PODN: variants seen among roughly 807,000 people sequenced by gnomAD.
PODN encodes the protein podocan proteoglycan.
In PODN, 40 loss-of-function variants were observed where a neutral mutation model predicts 52.7. The observed-to-expected ratio is 0.76, with a 90% CI of 0.59 to 0.99. PODN has a LOEUF of 0.99. Ranked by LOEUF, PODN falls within the 50% of genes least tolerant of loss-of-function variation. The probability of loss-of-function intolerance (pLI) is 0.00; values close to 1 mark genes in which losing one functional copy is unlikely to be tolerated. For synonymous variants in PODN, 396 were observed against 377.9 expected (o/e 1.05, Z -0.56); for missense variants, 720 against 815.1 (o/e 0.88, Z 1.42).
intron 10 of PODN, among the ~76,000 whole-genome samples, chr1:53,083,406 G>C (rs941490816): frequency 6.6e-6 from 1 of 152,142 alleles, no homozygotes; most frequent in Admixed American, 6.5e-5. Context: ...CTGGCCTGGA[G>C]GGGGAGTCAC....
Position 53,077,682 on chromosome 1 carries a change from C to G in PODN, c.739-3C>G. On this transcript the variant is annotated splice_region_variant and splice_polypyrimidine_tract_variant and intron_variant, in intron 6 of 10. Transcript: ENST00000312553. ...ATCTCCTCCCTTCCCTTCCATCCCCCAGAACAACAAGCTGGAGAAGATCCC... is the reference window on the plus strand; with the variant it reads ...ATCTCCTCCCTTCCCTTCCATCCCCGAGAACAACAAGCTGGAGAAGATCCC... The G allele has an allele frequency of 1.9e-6, 3 of 1,611,884 alleles. No individual in the cohort carries two copies. The highest frequency in any genetic ancestry group is 1.7e-6 in the Non-Finnish European group (2 of 1,178,998).
At position 53,078,867 on chromosome 1, in the gene PODN, G is replaced by T; in HGVS notation, c.1357G>T (p.Val453Phe). Residue 453 changes from valine (V) to phenylalanine (F), a missense_variant, in exon 8 of 11, where the codon GTC becomes TTC. Coordinates refer to ENST00000312553, the MANE Select transcript of PODN (RefSeq NM_153703.5). ...GCTGCCACCTGGGCTGCCTCGAAAT[G>T]TCCATGTGCTGAAGGTCAAGCGCAA... ...HTLPPGLPRN[V>F]HVLKVKRNEL... 6.2e-7 allele frequency: 1 copy of T among 1,612,650 alleles called. No individual in the cohort carries two copies. The highest frequency in any genetic ancestry group is 8.5e-7 in the Non-Finnish European group (1 of 1,179,642).
intron 3 of PODN, among the ~76,000 whole-genome samples, chr1:53,072,652 C>T (rs966450644): frequency 1.3e-5 from 2 of 152,218 alleles, no homozygotes; most frequent in Admixed American, 1.3e-4. Context: ...GGTCTGCCTG[C>T]CTCCTTGACA....
intron 1 of PODN, chr1:53,066,738 T>A: frequency 7.1e-7 from 1 of 1,400,460 alleles, no homozygotes; most frequent in Admixed American, 2.1e-5. Context: ...CTCCCTGAGT[T>A]GTAAAGTGGT....
chr1:53,083,334 A>G (rs1644320972), intron 10 of PODN, among the ~76,000 whole-genome samples: 1 of 152,176 alleles, frequency 6.6e-6, no homozygotes, highest in Admixed American at 6.5e-5. Context: ...CGACACACAC[A>G]TGCATCTTCC....
rs373582762 is a variant in PODN, at chr1:53,070,105, G to A, written c.250G>A (p.Gly84Ser). ...CCAGGAGGGCGTCGTGGACTGTGGC[G>A]GTATTGACCTGCGTGAGTTCCCGGG... ...CSQEGVVDCG[G>S]IDLREFPGDL... Residue 84 changes from glycine to serine, a missense_variant, in exon 2 of 11, where the codon GGT becomes AGT. Gly to Ser is a moderately conservative substitution (Grantham distance 56). Coordinates refer to ENST00000312553, the MANE Select transcript of PODN (RefSeq NM_153703.5). 3.6e-5 allele frequency: 58 copies of A among 1,612,514 alleles called. No individual in the cohort carries two copies. Among genetic ancestry groups the A allele is most frequent in the Middle Eastern group, 1.6e-4 (1 of 6,082 alleles).
chr1:53,064,487 C>T (rs1454564870), intron 1 of PODN, among the ~76,000 whole-genome samples: 1 of 152,220 alleles, frequency 6.6e-6, no homozygotes, highest in Non-Finnish European at 1.5e-5. Context: ...CTGTTTGGGG[C>T]CCAGCACAGA....
Position 53,069,788 on chromosome 1 carries a change from C to T in PODN, c.-55-13C>T. ...CTTTCGAGGGCCCCAGCTGTGTCCA[C>T]TGTACCTCACAGGTTCCGTCAGCCC... On this transcript the variant is annotated splice_polypyrimidine_tract_variant and intron_variant, in intron 1 of 10. Coordinates refer to ENST00000312553, the MANE Select transcript of PODN (RefSeq NM_153703.5). 1 of 1,570,224 alleles carries T rather than the reference C, an allele frequency of 6.4e-7. No homozygotes were observed. The highest frequency in any genetic ancestry group is 8.6e-7 in the Non-Finnish European group (1 of 1,159,544).
chr1:53,063,716 T>C (rs1572253117), intron 1 of PODN, among the ~76,000 whole-genome samples: 2 of 152,190 alleles, frequency 1.3e-5, no homozygotes, highest in East Asian at 3.9e-4. Flanking sequence ...ACGACTGTTT[T>C]CATGTCATCT....
At chr1:53,073,546 AGGATCTTC>A (rs1644150315) in intron 3 of PODN, 1 of 152,242 alleles carries the variant, frequency 6.6e-6, no homozygotes, top group African/African-American at 2.4e-5. Flanking sequence ...ACCTTGTCAC[AGGATCTTC>A]GGTTCCGAGG....
intron 5 of PODN, among the ~76,000 whole-genome samples, chr1:53,076,390 T>G (rs1311237738): frequency 2.0e-5 from 3 of 152,118 alleles, no homozygotes; most frequent in African/African-American, 4.8e-5. Flanking sequence ...TGCCCTTCCA[T>G]CCCTGCGTCT....
In PODN at chr1:53,077,643, G is replaced by C. The variant is rs763567185; in HGVS notation, c.739-42G>C. ...ATCCCGAGGCCCTGACCTTGCCCTC[G>C]GCCCTCCCTCACAATCTCCTCCCTT... On this transcript the variant is annotated intron_variant, in intron 6 of 10. Coordinates refer to ENST00000312553, the MANE Select transcript of PODN (RefSeq NM_153703.5). The C allele has an allele frequency of 9.0e-6, 14 of 1,559,966 alleles. No individual in the cohort carries two copies. The Middle Eastern group carries it at 6.8e-4, about 76-fold the overall frequency.
intron 9 of PODN, among the ~76,000 whole-genome samples, 179 bp from the exon 10 acceptor site, chr1:53,081,802 G>C (rs1644299313): frequency 6.6e-6 from 1 of 152,198 alleles, no homozygotes; most frequent in African/African-American, 2.4e-5. Flanking sequence ...CAGCTGCCCT[G>C]ACCGGCCTGT....
chr1:53,068,612 G>A (rs1318262462), intron 1 of PODN, among the ~76,000 whole-genome samples: 1 of 152,218 alleles, frequency 6.6e-6, no homozygotes, highest in Non-Finnish European at 1.5e-5. Context: ...GTGTTTAGAT[G>A]TATTATCTGC....
rs1270421965 is a variant in PODN at position 53,078,533 on chromosome 1, C to T, written c.1023C>T (p.His341=). ...PIRSLEYLLL[H]SNQLREQGIH... ...GCAGCCTGGAGTACCTGCTGCTGCA[C>T]AGCAACCAGCTGCGGGAGCAGGGCA... Residue 341 remains histidine (H), a synonymous_variant, in exon 8 of 11, where the codon CAC becomes CAT. Coordinates refer to ENST00000312553, the MANE Select transcript of PODN (RefSeq NM_153703.5). 6.2e-7 allele frequency: 1 copy of T among 1,613,230 alleles called. No individual in the cohort carries two copies. Among genetic ancestry groups the T allele is most frequent in the Admixed American group, 1.7e-5 (1 of 60,030 alleles).
Position 53,063,611 on chromosome 1 carries a change from C to T in PODN, c.-56+1303C>T, listed in dbSNP as rs1003194219. The T allele has an allele frequency of 8.1e-6, 8 of 982,060 alleles. No homozygotes were observed. In the South Asian group the frequency reaches 1.4e-4, roughly 17 times the overall value. 60.8% of individuals were successfully genotyped at this position (982,060 alleles called of 1,614,324 possible). A position where few individuals can be genotyped will look rare whatever the true frequency, so the allele number is the denominator to read the frequency against. ...CTGCCCTGGGAAAGACCAGGGGGGACTGCTCTGGGGGTTCTGCTCCCTCAT... is the reference window on the plus strand; with the variant it reads ...CTGCCCTGGGAAAGACCAGGGGGGATTGCTCTGGGGGTTCTGCTCCCTCAT... On this transcript the variant is annotated intron_variant, in intron 1 of 10. Coordinates refer to ENST00000312553, the MANE Select transcript of PODN (RefSeq NM_153703.5).
At chr1:53,063,603 A>G in intron 1 of PODN, 1 of 984,284 alleles carries the variant, frequency 1.0e-6, no homozygotes, top group Non-Finnish European at 1.2e-6. Context: ...GGGAAAGACC[A>G]GGGGGGACTG....
Position 53,077,763 on chromosome 1 carries a change from T to C in PODN, c.817T>C (p.Tyr273His). The C allele has an allele frequency of 6.2e-7, 1 of 1,613,558 alleles. No homozygotes were observed. ...GCGCGAGCTATACCTGCAGAACAAC[T>C]ACCTGACTGACGAGGGCCTGGACAA... Reference protein sequence around the residue: ...SLRELYLQNNYLTDEGLDNET... With the variant: ...SLRELYLQNNHLTDEGLDNET... Residue 273 changes from tyrosine (Y) to histidine (H), a missense_variant, in exon 7 of 11, where the codon TAC (tyrosine) becomes CAC (histidine). Transcript: ENST00000312553.
intron 8 of PODN, among the ~76,000 whole-genome samples, chr1:53,080,119 C>T (rs1644260978): frequency 6.6e-6 from 1 of 152,212 alleles, no homozygotes. Context: ...ACTTTCCTGA[C>T]TGCCCTCCCC....
Sources: allele counts gnomAD v4.1 joint callset (sites outside exome capture counted in the v4.1 genomes callset), GRCh38; gene constraint gnomAD v4.1.1; transcripts MANE v1.5; gene names NCBI Gene and HGNC (gene_info 2026-07-23, HGNC 2026-07-21).